TIMD4: variants seen among roughly 807,000 people sequenced by gnomAD.
TIMD4 encodes T-cell immunoglobulin and mucin domain-containing protein 4.
Under a neutral mutation model 41.2 loss-of-function variants are expected in TIMD4, and 31 were observed. The ratio of observed to expected loss-of-function variants is 0.75; its 90% confidence interval spans 0.57 to 1.01. The LOEUF (loss-of-function observed/expected upper bound fraction) is 1.01, where lower values mean the gene tolerates loss of function less well. Ranked by LOEUF, TIMD4 falls within the 50% of genes least tolerant of loss-of-function variation. TIMD4 has a pLI of 0.00. For synonymous variants in TIMD4, 204 were observed against 177.1 expected (o/e 1.15, Z -1.21); for missense variants, 479 against 472.5 (o/e 1.01, Z -0.13).
At chr5:156,948,322 T>TAG in intron 5 of TIMD4, 94 bp downstream of exon 5, 1 of 616,544 alleles carries the variant, frequency 1.6e-6, no homozygotes, top group Non-Finnish European at 2.1e-6. Flanking sequence ...AACTCATCTC[T>TAG]ACAAAAAAAA....
intron 5 of TIMD4, among the ~76,000 whole-genome samples, chr5:156,945,595 A>G (rs1293773156): frequency 6.6e-6 from 1 of 152,228 alleles, no homozygotes; most frequent in African/African-American, 2.4e-5. Context: ...TCATTACCAA[A>G]AAAACAGTGG....
chr5:156,963,130 A>G lies in TIMD4; in HGVS notation c.58+11T>C. 1.9e-6 allele frequency: 3 copies of G among 1,613,908 alleles called. No individual in the cohort carries two copies. Among genetic ancestry groups the G allele is most frequent in the Non-Finnish European group, 2.5e-6 (3 of 1,179,782 alleles). ...TGGAAACTTCTACATAGAAGGTTTCAGAACACTTACTCAGGTAAAGCCACC... is the reference window on the plus strand; with the variant it reads ...TGGAAACTTCTACATAGAAGGTTTCGGAACACTTACTCAGGTAAAGCCACC... On this transcript the variant is annotated intron_variant, in intron 1 of 8. Transcript: ENST00000274532.
intron 5 of TIMD4, among the ~76,000 whole-genome samples, chr5:156,939,181 C>T (rs1252576152): frequency 1.3e-5 from 2 of 152,180 alleles, no homozygotes; most frequent in African/African-American, 4.8e-5. Flanking sequence ...AGCTCAGGTT[C>T]AAGCACCAAA....
chr5:156,938,724 C>T lies in TIMD4; in HGVS notation c.844+9692G>A, dbSNP rs565201131. Among the ~76,000 whole-genome samples the T allele has an allele frequency of 5.9e-5, 9 of 152,262 alleles. No individual in the cohort carries two copies. The East Asian group carries it at 9.6e-4, about 16-fold the overall frequency. ...CTTCCCTCTAAATTTCTTGAAAGAA[C>T]GTCAAACATTCATCCTCTAGCAATT... On this transcript the variant is annotated intron_variant, in intron 5 of 8. Transcript: ENST00000274532.
At chr5:156,927,557 G>A (rs1353170383) in intron 5 of TIMD4, among the ~76,000 whole-genome samples, 1 of 152,162 alleles carries the variant, frequency 6.6e-6, no homozygotes, top group East Asian at 1.9e-4. Flanking sequence ...AGCATGATAT[G>A]GTCCAGTTAG....
chr5:156,927,734 C>T (rs1039211575), intron 5 of TIMD4, among the ~76,000 whole-genome samples: 8 of 152,118 alleles, frequency 5.3e-5, no homozygotes, highest in African/African-American at 1.7e-4. Flanking sequence ...GTCTTTGATA[C>T]CTCACCAGTT....
At position 156,951,505 on chromosome 5, in the gene TIMD4, T is replaced by C. The variant is rs1299731726; in HGVS notation, c.679+7A>G. 2 of 1,613,980 alleles carry C rather than the reference T, an allele frequency of 1.2e-6. No individual in the cohort carries two copies. Among genetic ancestry groups the C allele is most frequent in the Admixed American group, 1.7e-5 (1 of 59,994 alleles). On this transcript the variant is annotated splice_region_variant and intron_variant, in intron 3 of 8. Coordinates refer to ENST00000274532, the MANE Select transcript of TIMD4 (RefSeq NM_138379.3). ...TGTTCTAAGAAACCCAAGATACATC[T>C]GCGTACCTGCAGTGAGGATGGGCCC...
chr5:156,947,921 A>G (rs1759773945), intron 5 of TIMD4, among the ~76,000 whole-genome samples: 2 of 152,222 alleles, frequency 1.3e-5, no homozygotes, highest in African/African-American at 4.8e-5. Flanking sequence ...TGTGTAATTT[A>G]AAATAAAAAA....
rs1581608032 is a variant in TIMD4, at chr5:156,924,644, C to T, written c.894+1619G>A. On this transcript the variant is annotated intron_variant, in intron 6 of 8. Coordinates refer to ENST00000274532, the MANE Select transcript of TIMD4 (RefSeq NM_138379.3). ...ACCAGGGTTTATGAGGATACATAGT[C>T]GTGGAAGATTTTTGGAAGGAGAACT... is the stretch of plus-strand genomic sequence containing the variant. 4 of 169,558 alleles carry T rather than the reference C, an allele frequency of 2.4e-5. No individual in the cohort carries two copies. The South Asian group carries it at 5.1e-4, about 22-fold the overall frequency. 10.5% of individuals were successfully genotyped at this position (169,558 alleles called of 1,614,324 possible).
At chr5:156,946,029 A>G (rs1759732494) in intron 5 of TIMD4, among the ~76,000 whole-genome samples, 1 of 152,214 alleles carries the variant, frequency 6.6e-6, no homozygotes, top group Non-Finnish European at 1.5e-5. Flanking sequence ...CAGAGCAGCA[A>G]GTGTTCTCTC....
At position 156,948,443 on chromosome 5, in the gene TIMD4, C is replaced by T; in HGVS notation, c.817G>A (p.Asp273Asn). The T allele has an allele frequency of 6.5e-7, 1 of 1,548,128 alleles. No homozygotes were observed. The highest frequency in any genetic ancestry group is 8.7e-7 in the Non-Finnish European group (1 of 1,146,258). ...TSHVSMWKTSDSVSSPQPGAS... is the reference protein window; with the variant it reads ...TSHVSMWKTSNSVSSPQPGAS... The stretch of plus-strand genomic sequence containing the variant: ...CCAGGCTGAGGAGAAGACACAGAAT[C>T]ACTCGTTTTCCACATTGACACGTGG... The change falls in exon 5 of 9, where the codon GAT (aspartate) becomes AAT (asparagine). Residue 273 changes from aspartate (D) to asparagine (N), a missense_variant. Coordinates refer to ENST00000274532, the MANE Select transcript of TIMD4 (RefSeq NM_138379.3).
intron 2 of TIMD4, among the ~76,000 whole-genome samples, chr5:156,954,204 A>G (rs953543673): frequency 6.6e-6 from 1 of 152,192 alleles, no homozygotes; most frequent in Non-Finnish European, 1.5e-5. Context: ...TTGACCCTGC[A>G]ATTCACGAGT....
intron 5 of TIMD4, among the ~76,000 whole-genome samples, chr5:156,927,816 GT>G (rs1302655243): frequency 6.6e-6 from 1 of 152,164 alleles, no homozygotes; most frequent in Non-Finnish European, 1.5e-5. Context: ...GTGGAGAAGG[GT>G]AAGTCTAGGG....
rs76710190 is a variant in TIMD4, at chr5:156,932,469, C to G, written c.845-6157G>C. 3.0e-3 allele frequency among the ~76,000 whole-genome samples: 459 copies of G among 152,262 alleles called. 1 individual carries two copies. The highest frequency in any genetic ancestry group is 0.011 in the African/African-American group (441 of 41,546). Reference sequence around the variant, plus strand: ...AAAGCTGCACAATAGATATATACTGCTTGTTTTTTAAGTCCAAAGAATTTT... The same window carrying G: ...AAAGCTGCACAATAGATATATACTGGTTGTTTTTTAAGTCCAAAGAATTTT... On this transcript the variant is annotated intron_variant, in intron 5 of 8. Transcript: ENST00000274532.
intron 5 of TIMD4, among the ~76,000 whole-genome samples, chr5:156,929,266 G>A (rs1759405568): frequency 1.3e-5 from 2 of 152,158 alleles, no homozygotes; most frequent in Non-Finnish European, 2.9e-5. Context: ...AAGGCCCTGA[G>A]CTCTGACACA....
chr5:156,962,421 G>A (rs1467113597), intron 1 of TIMD4, among the ~76,000 whole-genome samples: 1 of 151,414 alleles, frequency 6.6e-6, no homozygotes, highest in Non-Finnish European at 1.5e-5. Context: ...AAAAAAAATG[G>A]ACTTTTGTAA....
chr5:156,948,821 A>T (rs182183092), intron 4 of TIMD4, among the ~76,000 whole-genome samples: 6 of 152,346 alleles, frequency 3.9e-5, no homozygotes, highest in Admixed American at 2.6e-4. Context: ...GAGCACCCAC[A>T]TAAATCACTC....
At chr5:156,938,127 T>C (rs1759573288) in intron 5 of TIMD4, among the ~76,000 whole-genome samples, 1 of 152,220 alleles carries the variant, frequency 6.6e-6, no homozygotes, top group African/African-American at 2.4e-5. Context: ...ATCTTTACTT[T>C]ATTAAAATAG....
intron 5 of TIMD4, 43 bp downstream of exon 5, chr5:156,948,369 ATAAT>A (rs1759785613): frequency 9.1e-7 from 1 of 1,102,326 alleles, no homozygotes; most frequent in South Asian, 3.5e-5. Flanking sequence ...AATAATAATA[ATAAT>A]TAATAAAGTA....
Sources: allele counts gnomAD v4.1 joint callset (sites outside exome capture counted in the v4.1 genomes callset), GRCh38; gene constraint gnomAD v4.1.1; transcripts MANE v1.5; gene names NCBI Gene and HGNC (gene_info 2026-07-23, HGNC 2026-07-21).